NEDD4L: variants seen among roughly 807,000 people sequenced by gnomAD.
The protein encoded by NEDD4L is E3 ubiquitin-protein ligase NEDD4-like.
A neutral mutation model predicts 148.9 loss-of-function variants in NEDD4L; 54 were observed. The observed-to-expected ratio is 0.36, with a 90% CI of 0.29 to 0.45. The LOEUF (loss-of-function observed/expected upper bound fraction) is 0.45, where lower values mean the gene tolerates loss of function less well. Among genes scored for constraint, NEDD4L ranks in the 20% least tolerant of loss-of-function variants. The probability of loss-of-function intolerance (pLI) is 1.00; values close to 1 mark genes in which losing one functional copy is unlikely to be tolerated. For synonymous variants in NEDD4L, 433 were observed against 440.7 expected, an observed-to-expected ratio of 0.98 and a Z score of 0.22; for missense variants, 856 against 1,233.8, an observed-to-expected ratio of 0.69 and a Z score of 4.59.
At chr18:58,080,279 C>T (rs573568584) in intron 1 of NEDD4L, among the ~76,000 whole-genome samples, 8 of 152,304 alleles carry the variant, frequency 5.3e-5, no homozygotes, top group Admixed American at 1.3e-4. Context: ...CACCTGGCTC[C>T]GGCATATGCA....
At chr18:58,379,915 T>A (rs554002442) in intron 24 of NEDD4L, among the ~76,000 whole-genome samples, 228 of 151,820 alleles carry the variant, frequency 1.5e-3, no homozygotes, top group African/African-American at 5.2e-3. Context: ...AAACCCCTCA[T>A]CCTGTGCCCA....
intron 5 of NEDD4L, among the ~76,000 whole-genome samples, chr18:58,254,080 A>G (rs1456027385): frequency 6.6e-6 from 1 of 151,896 alleles, no homozygotes; most frequent in Non-Finnish European, 1.5e-5. Flanking sequence ...TACACAGACT[A>G]GCTTCCATTT....
intron 1 of NEDD4L, among the ~76,000 whole-genome samples, chr18:58,136,472 C>G (rs1312142767): frequency 6.6e-6 from 1 of 152,120 alleles, no homozygotes; most frequent in Non-Finnish European, 1.5e-5. Flanking sequence ...TCAGTGTCTT[C>G]CAGCGATTTT....
At chr18:58,184,085 C>CTT in intron 2 of NEDD4L, among the ~76,000 whole-genome samples, 1 of 152,094 alleles carries the variant, frequency 6.6e-6, no homozygotes. Context: ...AGGAGAATGG[C>CTT]GAGAACCTGG....
At chr18:58,075,089 C>T (rs748120560) in intron 1 of NEDD4L, among the ~76,000 whole-genome samples, 1 of 152,174 alleles carries the variant, frequency 6.6e-6, no homozygotes, top group Non-Finnish European at 1.5e-5. Flanking sequence ...TGGGAGGGAG[C>T]ATGCTTTGAA....
intron 2 of NEDD4L, among the ~76,000 whole-genome samples, chr18:58,217,515 C>A (rs1213120630): frequency 6.6e-6 from 1 of 151,916 alleles, no homozygotes; most frequent in Non-Finnish European, 1.5e-5. Context: ...GCTCTGTCAC[C>A]CACGAGTGTG....
At position 58,343,033 on chromosome 18, in the gene NEDD4L, G is replaced by A. The variant is rs1463349898; in HGVS notation, c.1505G>A (p.Gly502Asp). 6.2e-7 allele frequency: 1 copy of A among 1,613,288 alleles called. No homozygotes were observed. The highest frequency in any genetic ancestry group is 1.7e-5 in the Admixed American group (1 of 59,970). ...HKVTQSFLPP[G>D]WEMRIAPNGR... ...GTCACACAGAGCTTCTTGCCACCCG[G>A]CTGGGAAATGAGGATAGCGCCAAAC... Residue 502 changes from glycine to aspartate, a missense_variant, in exon 16 of 31, where the codon GGC (glycine) becomes GAC (aspartate). Around this residue, in one of 4 missense-constraint regions of NEDD4L, gnomAD observed 367 missense variants for 422.7 expected, o/e 0.87. Transcript: ENST00000400345.
At chr18:58,094,337 AC>A (rs1421671832) in intron 1 of NEDD4L, among the ~76,000 whole-genome samples, 15 of 151,468 alleles carry the variant, frequency 9.9e-5, no homozygotes, top group Non-Finnish European at 1.5e-5. Flanking sequence ...GGCACATGCC[AC>A]CCCGCCTGGC....
intron 5 of NEDD4L, among the ~76,000 whole-genome samples, chr18:58,293,095 T>C (rs1224488502): frequency 6.6e-6 from 1 of 152,248 alleles, no homozygotes; most frequent in African/African-American, 2.4e-5. Context: ...GAATTTGAGA[T>C]TAATTCCTCA....
chr18:58,274,842 T>C (rs535535777), intron 5 of NEDD4L, among the ~76,000 whole-genome samples: 3 of 152,376 alleles, frequency 2.0e-5, no homozygotes, highest in East Asian at 3.9e-4. Context: ...CCTTAGCACT[T>C]GGTAATACGT....
chr18:58,140,569 G>A (rs1415601970), intron 1 of NEDD4L, among the ~76,000 whole-genome samples: 1 of 152,164 alleles, frequency 6.6e-6, no homozygotes, highest in Non-Finnish European at 1.5e-5. Context: ...TTATAAAAAT[G>A]TAGACTGGTG....
chr18:58,112,203 A>G (rs1011462409), intron 1 of NEDD4L, among the ~76,000 whole-genome samples: 1 of 152,108 alleles, frequency 6.6e-6, no homozygotes, highest in African/African-American at 2.4e-5. Flanking sequence ...TTAAGATTTG[A>G]TATTTTTTCA....
intron 2 of NEDD4L, among the ~76,000 whole-genome samples, chr18:58,197,521 C>G (rs2040861670): frequency 6.6e-6 from 1 of 152,176 alleles, no homozygotes; most frequent in Non-Finnish European, 1.5e-5. Context: ...GCCCCTTGAT[C>G]CAGATGCATT....
chr18:58,139,107 T>G (rs2033198150), intron 1 of NEDD4L, among the ~76,000 whole-genome samples: 2 of 152,250 alleles, frequency 1.3e-5, no homozygotes, highest in African/African-American at 4.8e-5. Flanking sequence ...TGTACTTATT[T>G]TTGATCACTT....
chr18:58,259,735 A>C (rs550978640), intron 5 of NEDD4L, among the ~76,000 whole-genome samples: 1 of 152,218 alleles, frequency 6.6e-6, no homozygotes, highest in Non-Finnish European at 1.5e-5. Flanking sequence ...CCACCCGGAC[A>C]AAAGCAGTAA....
intron 30 of NEDD4L, among the ~76,000 whole-genome samples, chr18:58,395,594 A>G (rs2050389630): frequency 6.6e-6 from 1 of 151,894 alleles, no homozygotes; most frequent in South Asian, 2.1e-4. Context: ...GTAGCTTAGC[A>G]CTGGTGTTCC....
At chr18:58,065,112 C>T (rs7241218) in intron 1 of NEDD4L, among the ~76,000 whole-genome samples, 19,313 of 152,230 alleles carry the variant, frequency 0.13, 1,383 homozygotes, top group African/African-American at 0.21. Context: ...TCATTAGATC[C>T]AAAACATCTT....
intron 1 of NEDD4L, among the ~76,000 whole-genome samples, chr18:58,075,887 C>T (rs1338095712): frequency 6.6e-6 from 1 of 152,082 alleles, no homozygotes; most frequent in Non-Finnish European, 1.5e-5. Context: ...CATGATTGCA[C>T]CACGGCACTC....
intron 16 of NEDD4L, among the ~76,000 whole-genome samples, chr18:58,345,941 C>G (rs964173888): frequency 1.6e-5 from 2 of 126,842 alleles, no homozygotes; most frequent in African/African-American, 5.6e-5. Flanking sequence ...TTTTTTTTAG[C>G]ACAGACAGGG....
Sources: gnomAD v4.1 joint callset for allele counts (sites outside exome capture counted in the v4.1 genomes callset) on GRCh38, gnomAD v4.1.1 for gene constraint, gnomAD v4.1.1 regional missense constraint, MANE v1.5 for transcripts, NCBI Gene and HGNC (gene_info 2026-07-23, HGNC 2026-07-21) for gene names.